The following RAPGEF4 variants were observed in gnomAD, a reference collection of about 807,000 sequenced individuals.
RAPGEF4 encodes Rap guanine nucleotide exchange factor 4, also known as RAP guanine-nucleotide-exchange factor (GEF) 4.
Under a neutral mutation model 147.9 loss-of-function variants are expected in RAPGEF4, and 66 were observed. That is an observed-to-expected ratio of 0.45 (90% CI 0.37 to 0.55). RAPGEF4 has a LOEUF of 0.55. Among genes scored for constraint, RAPGEF4 ranks in the 20% least tolerant of loss-of-function variants. The pLI is 0.00. For synonymous variants in RAPGEF4, 419 were observed against 442.7 expected (o/e 0.95, Z 0.67); for missense variants, 1,071 against 1,257.3 (o/e 0.85, Z 2.24).
chr2:172,850,617 C>CA lies in RAPGEF4; in HGVS notation c.444+36205dup, dbSNP rs542078730. The stretch of plus-strand genomic sequence containing the variant: ...TGGGCCACAGAGCGAGACTCTGTCT[C>CA]AAAAAAAAAAAAATTAACAGATATT... On this transcript the variant is annotated intron_variant, in intron 4 of 30. Transcript: ENST00000397081. Among the ~76,000 whole-genome samples the CA allele has an allele frequency of 1.8e-3, 237 of 129,058 alleles. 4 individuals are homozygous for CA. The highest frequency in any genetic ancestry group is 0.011 in the Middle Eastern group (3 of 262). 84.7% of individuals were successfully genotyped at this position (129,058 alleles called of 152,430 possible). A position where few individuals can be genotyped will look rare whatever the true frequency, so the allele number is the denominator to read the frequency against.
intron 4 of RAPGEF4, among the ~76,000 whole-genome samples, chr2:172,849,081 T>A (rs1246220124): frequency 6.6e-6 from 1 of 152,004 alleles, no homozygotes; most frequent in Admixed American, 6.6e-5. Flanking sequence ...TTTCTTTTTT[T>A]TTTTTTTAGC....
chr2:172,837,958 A>C (rs2149692429), intron 4 of RAPGEF4, among the ~76,000 whole-genome samples: 1 of 152,338 alleles, frequency 6.6e-6, no homozygotes, highest in African/African-American at 2.4e-5. Flanking sequence ...GAAATCTACA[A>C]CCTTAAGTTA....
intron 10 of RAPGEF4, among the ~76,000 whole-genome samples, chr2:172,971,567 G>A (rs1222111495): frequency 6.6e-6 from 1 of 152,242 alleles, no homozygotes; most frequent in African/African-American, 2.4e-5. Context: ...TATTTCAGTT[G>A]CCCTTGGGAT....
chr2:172,976,772 GAGA>G (rs1691120302), intron 10 of RAPGEF4, among the ~76,000 whole-genome samples: 1 of 152,128 alleles, frequency 6.6e-6, no homozygotes, highest in Non-Finnish European at 1.5e-5. Context: ...TCCAATAACT[GAGA>G]AGCTCTGTCT....
chr2:173,002,220 C>T (rs1249867052), intron 17 of RAPGEF4, among the ~76,000 whole-genome samples: 1 of 152,090 alleles, frequency 6.6e-6, no homozygotes. Context: ...TTTCTTTTCC[C>T]ATTCATCCTC....
chr2:172,781,547 G>C (rs537976971), intron 1 of RAPGEF4, among the ~76,000 whole-genome samples: 137 of 152,300 alleles, frequency 9.0e-4, no homozygotes, highest in African/African-American at 3.2e-3. Flanking sequence ...TGGAATTACA[G>C]GTATGAGCCA....
rs563748908 is a variant in RAPGEF4 at position 173,007,838 on chromosome 2, A to G, written c.1658+6494A>G. Reference sequence around the variant, plus strand: ...CAAGAAGCCCAGATTATAGTAAAAAAAAGCAAAAGCTCTGAAGTAAAAAGA... The same window carrying G: ...CAAGAAGCCCAGATTATAGTAAAAAGAAGCAAAAGCTCTGAAGTAAAAAGA... On this transcript the variant is annotated intron_variant, in intron 17 of 30. Coordinates refer to ENST00000397081, the MANE Select transcript of RAPGEF4 (RefSeq NM_007023.4). Among the ~76,000 whole-genome samples the G allele has an allele frequency of 2.0e-5, 3 of 152,338 alleles. No individual in the cohort carries two copies. In the East Asian group the frequency reaches 5.8e-4, roughly 29 times the overall value.
intron 4 of RAPGEF4, among the ~76,000 whole-genome samples, chr2:172,886,928 C>G (rs1287809865): frequency 6.6e-6 from 1 of 152,186 alleles, no homozygotes; most frequent in Non-Finnish European, 1.5e-5. Context: ...TGGCTCTTGC[C>G]TGTAATCCCA....
At chr2:172,907,497 C>T (rs959014922) in intron 4 of RAPGEF4, among the ~76,000 whole-genome samples, 2 of 152,228 alleles carry the variant, frequency 1.3e-5, no homozygotes, top group Non-Finnish European at 2.9e-5. Context: ...TGGGCTTTCT[C>T]TCTTGTGCTC....
chr2:172,807,489 G>A (rs4972861), intron 3 of RAPGEF4, among the ~76,000 whole-genome samples: 53,161 of 152,114 alleles, frequency 0.35, 9,544 homozygotes, highest in East Asian at 0.49. Context: ...GATTTGGCAG[G>A]AAATGCTTCT....
chr2:172,801,716 G>T (rs1189779216), intron 3 of RAPGEF4, among the ~76,000 whole-genome samples: 2 of 152,150 alleles, frequency 1.3e-5, no homozygotes, highest in Admixed American at 1.3e-4. Flanking sequence ...TGCCCATTGT[G>T]GTTGTATAGG....
Position 172,795,019 on chromosome 2 carries a change from A to G in RAPGEF4, c.66-6A>G. 1.2e-6 allele frequency: 2 copies of G among 1,613,446 alleles called. No individual in the cohort carries two copies. Among genetic ancestry groups the G allele is most frequent in the South Asian group, 2.2e-5 (2 of 90,892 alleles). ...CATAGCTTTTGTGCCTTTTCTCCCT[A>G]TACAGACCACTGGAGCGATCCAGCG... On this transcript the variant is annotated splice_region_variant and splice_polypyrimidine_tract_variant and intron_variant, in intron 1 of 30. Coordinates refer to ENST00000397081, the MANE Select transcript of RAPGEF4 (RefSeq NM_007023.4).
intron 4 of RAPGEF4, among the ~76,000 whole-genome samples, chr2:172,909,615 G>A (rs1699917195): frequency 6.6e-6 from 1 of 152,062 alleles, no homozygotes; most frequent in Non-Finnish European, 1.5e-5. Context: ...GGCATGTGGG[G>A]GCCACATAAA....
intron 4 of RAPGEF4, among the ~76,000 whole-genome samples, chr2:172,909,521 G>A (rs183210642): frequency 1.3e-5 from 2 of 152,116 alleles, no homozygotes; most frequent in South Asian, 2.1e-4. Context: ...GGGTTTACAG[G>A]GGGAAGTGCA....
At chr2:172,984,705 G>T (rs1399428880) in intron 11 of RAPGEF4, among the ~76,000 whole-genome samples, 1 of 152,164 alleles carries the variant, frequency 6.6e-6, no homozygotes, top group African/African-American at 2.4e-5. Flanking sequence ...AGCTAGTGAT[G>T]TAGAGGGAAG....
Position 172,986,416 on chromosome 2 carries a change from G to GT in RAPGEF4, c.1150+930dup, listed in dbSNP as rs546195148. Reference sequence around the variant, plus strand: ...GCAGGAAACATTAATTGTAAATGTGGTTTTTTTACTTTCAGTCATCAAAAA... The same window carrying GT: ...GCAGGAAACATTAATTGTAAATGTGGTTTTTTTTACTTTCAGTCATCAAAAA... On this transcript the variant is annotated intron_variant, in intron 12 of 30. Transcript: ENST00000397081. 9.5e-4 allele frequency among the ~76,000 whole-genome samples: 144 copies of GT among 152,196 alleles called. 1 individual carries two copies. The highest frequency in any genetic ancestry group is 2.6e-3 in the African/African-American group (107 of 41,522).
intron 4 of RAPGEF4, among the ~76,000 whole-genome samples, chr2:172,902,824 A>C (rs1300080859): frequency 6.6e-6 from 1 of 152,214 alleles, no homozygotes; most frequent in Non-Finnish European, 1.5e-5. Context: ...GATCCACTCA[A>C]ATGACTCAAG....
intron 4 of RAPGEF4, among the ~76,000 whole-genome samples, chr2:172,833,220 T>C (rs1246134970): frequency 9.3e-6 from 1 of 107,014 alleles, no homozygotes; most frequent in Non-Finnish European, 2.0e-5. Context: ...AAAAAAAAAA[T>C]CCAAAAAAGG....
chr2:173,030,404 C>G (rs1210253419), intron 26 of RAPGEF4, 150 bp downstream of exon 26: 3 of 636,192 alleles, frequency 4.7e-6, no homozygotes, highest in Non-Finnish European at 8.2e-6. Flanking sequence ...TCTCCTTTTT[C>G]CAGTTGCCTC....
Sources: allele counts gnomAD v4.1 joint callset (sites outside exome capture counted in the v4.1 genomes callset), GRCh38; gene constraint gnomAD v4.1.1; transcripts MANE v1.5; gene names NCBI Gene and HGNC (gene_info 2026-07-23, HGNC 2026-07-21).